CTU2: variants seen among roughly 807,000 people sequenced by gnomAD.
The protein encoded by CTU2 is cytosolic thiouridylase subunit 2, also known as cytoplasmic tRNA 2-thiolation protein 2.
Under a neutral mutation model 64.1 loss-of-function variants are expected in CTU2, and 80 were observed. The observed-to-expected ratio is 1.25, with a 90% CI of 1.04 to 1.50. The LOEUF (loss-of-function observed/expected upper bound fraction) is 1.50, where lower values mean the gene tolerates loss of function less well. Among genes scored for constraint, CTU2 ranks in the 40% most tolerant of loss-of-function variants. CTU2 has a pLI of 0.00. For synonymous variants in CTU2, 482 were observed against 285.3 expected, an observed-to-expected ratio of 1.69 and a Z score of -6.95; for missense variants, 1,110 against 690.2, an observed-to-expected ratio of 1.61 and a Z score of -6.81.
Position 88,706,535 on chromosome 16 carries a change from G to A in CTU2, c.5G>A (p.Cys2Tyr), listed in dbSNP as rs1283651579. Reference sequence around the variant, plus strand: ...GCGACGGGACCCGGCGTGCCCATGTGTCAGGTGGGCGAGGACTACGGGGAG... The same window carrying A: ...GCGACGGGACCCGGCGTGCCCATGTATCAGGTGGGCGAGGACTACGGGGAG... Reference protein sequence around the residue: MCQVGEDYGEPA... With the variant: MYQVGEDYGEPA... Residue 2 changes from cysteine to tyrosine, a missense_variant, in exon 1 of 15, where the codon TGT becomes TAT. Coordinates refer to ENST00000453996, the MANE Select transcript of CTU2 (RefSeq NM_001012759.3). 3 of 1,455,848 alleles carry A rather than the reference G, an allele frequency of 2.1e-6. No individual in the cohort carries two copies. Among genetic ancestry groups the A allele is most frequent in the East Asian group, 3.0e-5 (1 of 33,218 alleles). 90.2% of individuals were successfully genotyped at this position (1,455,848 alleles called of 1,614,324 possible). A position where few individuals can be genotyped will look rare whatever the true frequency, so the allele number is the denominator to read the frequency against.
At position 88,709,935 on chromosome 16, in the gene CTU2, C is replaced by T. The variant is rs971103602; in HGVS notation, c.144-3C>T. The T allele has an allele frequency of 1.2e-6, 2 of 1,613,588 alleles. No individual in the cohort carries two copies. The highest frequency in any genetic ancestry group is 2.7e-5 in the African/African-American group (2 of 74,936). On this transcript the variant is annotated splice_region_variant and splice_polypyrimidine_tract_variant and intron_variant, in intron 2 of 14. Coordinates refer to ENST00000453996, the MANE Select transcript of CTU2 (RefSeq NM_001012759.3). ...GTTCCCTCATCTCAGGTCTGTGTTG[C>T]AGGGACTGTTTCAAGGCCTTCTACG...
Position 88,714,931 on chromosome 16 carries a change from G to A in CTU2, c.1419+5G>A, listed in dbSNP as rs749361515. On this transcript the variant is annotated splice_donor_5th_base_variant and intron_variant, in intron 13 of 14. Coordinates refer to ENST00000453996, the MANE Select transcript of CTU2 (RefSeq NM_001012759.3). ...CGCGTGAACATGAAGGACTTGGTGA[G>A]TACGTGCCCACCTGTCCTGGGCCGG... 12 of 1,612,606 alleles carry A rather than the reference G, an allele frequency of 7.4e-6. No individual in the cohort carries two copies. The East Asian group carries it at 1.8e-4, about 24-fold the overall frequency.
intron 2 of CTU2, 55 bp from the exon 3 acceptor site, chr16:88,709,883 C>A: frequency 6.8e-7 from 1 of 1,478,556 alleles, no homozygotes; most frequent in Non-Finnish European, 9.4e-7. Flanking sequence ...CGCCTCAGGA[C>A]GCTGCTCACT....
At chr16:88,709,823 G>A in intron 2 of CTU2, 115 bp from the exon 3 acceptor site, 1 of 890,460 alleles carries the variant, frequency 1.1e-6, no homozygotes, top group Non-Finnish European at 1.8e-6. Flanking sequence ...TGGATGTGAA[G>A]ATGCTGCTTT....
intron 3 of CTU2, 24 bp downstream of exon 3, chr16:88,710,040 T>C (rs1413132738): frequency 3.1e-6 from 5 of 1,611,942 alleles, no homozygotes; most frequent in Non-Finnish European, 4.2e-6. Flanking sequence ...CCTGGGGGTC[T>C]GACTGAGCAG....
rs113700874 is a variant in CTU2, at chr16:88,715,376, T to TA, written c.*135dup. 8,154 of 1,051,386 alleles carry TA rather than the reference T, an allele frequency of 7.8e-3. No individual in the cohort carries two copies. The highest frequency in any genetic ancestry group is 8.8e-3 in the Non-Finnish European group (6,743 of 764,720). 65.1% of individuals were successfully genotyped at this position (1,051,386 alleles called of 1,614,324 possible). ...TTGTATAAATAAAACATTTTTTAATTAAAAAAAAAACTCTACAGTACACGT... is the reference window on the plus strand; with the variant it reads ...TTGTATAAATAAAACATTTTTTAATTAAAAAAAAAAACTCTACAGTACACGT... On this transcript the variant is annotated 3_prime_UTR_variant, in exon 15 of 15. Transcript: ENST00000453996.
intron 5 of CTU2, 96 bp from the exon 6 acceptor site, chr16:88,712,178 G>T (rs990548235): frequency 9.7e-7 from 1 of 1,035,736 alleles, no homozygotes; most frequent in Non-Finnish European, 1.5e-6. Flanking sequence ...CCTGCGGAGC[G>T]AGGCCTCGAA....
chr16:88,713,427 G>T lies in CTU2; in HGVS notation c.853G>T (p.Ala285Ser), dbSNP rs1010769738. ...LMTNLALGRG[A>S]FLAWDTGFSD... ...GACCAACCTGGCGCTGGGTCGAGGG[G>T]CCTTCCTGGCCTGGGATACGGTAGG... The change falls in exon 8 of 15, where the codon GCC (alanine) becomes TCC (serine). Residue 285 changes from alanine (A) to serine (S), a missense_variant. Ala to Ser is a moderately conservative substitution (Grantham distance 99, BLOSUM62 1). Coordinates refer to ENST00000453996, the MANE Select transcript of CTU2 (RefSeq NM_001012759.3). 1.3e-6 allele frequency: 2 copies of T among 1,585,758 alleles called. No individual in the cohort carries two copies. Among genetic ancestry groups the T allele is most frequent in the African/African-American group, 2.7e-5 (2 of 73,360 alleles).
chr16:88,710,020 G>T lies in CTU2; in HGVS notation c.222+4G>T, dbSNP rs377252732. 3.0e-4 allele frequency: 477 copies of T among 1,613,630 alleles called. 1 individual carries two copies. The highest frequency in any genetic ancestry group is 3.8e-4 in the Non-Finnish European group (445 of 1,179,906). ...GCTCATCTTTCCAGGCGAGAAGGTA[G>T]CGTCTGGGTCCTGGGGGTCTGACTG... On this transcript the variant is annotated splice_donor_region_variant and intron_variant, in intron 3 of 14. Coordinates refer to ENST00000453996, the MANE Select transcript of CTU2 (RefSeq NM_001012759.3).
intron 5 of CTU2, 29 bp downstream of exon 5, chr16:88,711,724 C>T: frequency 1.9e-6 from 3 of 1,594,642 alleles, no homozygotes; most frequent in Non-Finnish European, 2.6e-6. Flanking sequence ...CCTCCTAGTC[C>T]CTGGCCACTT....
chr16:88,707,041 C>A (rs1056374415), intron 1 of CTU2, 95 bp from the exon 2 acceptor site: 4 of 1,272,354 alleles, frequency 3.1e-6, no homozygotes, highest in Admixed American at 3.5e-5. Context: ...TGACCCAACT[C>A]AGGGTGAGAA....
chr16:88,713,815 G>T, intron 9 of CTU2, 37 bp downstream of exon 9: 1 of 1,610,814 alleles, frequency 6.2e-7, no homozygotes, highest in South Asian at 1.1e-5. Context: ...TCTCACCATT[G>T]ACACCGGGGT....
chr16:88,706,705 C>T (rs376022209), intron 1 of CTU2, 107 bp downstream of exon 1: 3 of 795,936 alleles, frequency 3.8e-6, no homozygotes, highest in South Asian at 2.6e-5. Context: ...GCGTGGAGAG[C>T]GGGACCTCGC....
At position 88,709,960 on chromosome 16, in the gene CTU2, G is replaced by A. The variant is rs1249435622; in HGVS notation, c.166G>A (p.Val56Ile). The A allele has an allele frequency of 7.4e-6, 12 of 1,613,966 alleles. No homozygotes were observed. Among genetic ancestry groups the A allele is most frequent in the South Asian group, 3.3e-5 (3 of 91,088 alleles). ...CAGGGACTGTTTCAAGGCCTTCTACGTCCACAAGTTCAGAGCCATGCTGGG... is the reference window on the plus strand; with the variant it reads ...CAGGGACTGTTTCAAGGCCTTCTACATCCACAAGTTCAGAGCCATGCTGGG... ...FCRDCFKAFY[V>I]HKFRAMLGKN... The change falls in exon 3 of 15, where the codon GTC becomes ATC. Residue 56 changes from valine to isoleucine, a missense_variant. Val to Ile is a conservative substitution (Grantham distance 29, BLOSUM62 3). Transcript: ENST00000453996.
chr16:88,714,013 G>A (rs992064852), intron 9 of CTU2, 123 bp from the exon 10 acceptor site: 9 of 1,108,302 alleles, frequency 8.1e-6, no homozygotes, highest in South Asian at 2.7e-5. Flanking sequence ...TTGAGCAGTC[G>A]CAGCAAAGCC....
chr16:88,713,635 T>C lies in CTU2; in HGVS notation c.874-12T>C, dbSNP rs779810691. ...GCCTTGACCTGGACCACACAGCCCC[T>C]GCCTCCCGCAGGGCTTCTCGGATGA... On this transcript the variant is annotated splice_polypyrimidine_tract_variant and intron_variant, in intron 8 of 14. Transcript: ENST00000453996. 7 of 1,610,354 alleles carry C rather than the reference T, an allele frequency of 4.3e-6. No homozygotes were observed. The highest frequency in any genetic ancestry group is 2.2e-5 in the South Asian group (2 of 90,928).
At chr16:88,706,641 C>T (rs1910860248) in intron 1 of CTU2, 43 bp downstream of exon 1, 1 of 1,325,886 alleles carries the variant, frequency 7.5e-7, no homozygotes. Context: ...CCCTCGCCTT[C>T]CCGCCGCACT....
intron 3 of CTU2, 48 bp from the exon 4 acceptor site, chr16:88,710,175 G>C (rs1911199326): frequency 1.9e-6 from 3 of 1,608,774 alleles, no homozygotes; most frequent in Non-Finnish European, 2.6e-6. Flanking sequence ...TGGGGTGTCT[G>C]CCTGTGTTGG....
At chr16:88,710,728 A>AGT in intron 4 of CTU2, 1 of 174,088 alleles carries the variant, frequency 5.7e-6, no homozygotes, top group South Asian at 1.2e-4. Context: ...AAACACAGTC[A>AGT]GTGGAAAGCT....
Sources: gnomAD v4.1 joint callset for allele counts on GRCh38, gnomAD v4.1.1 for gene constraint, MANE v1.5 for transcripts, NCBI Gene and HGNC (gene_info 2026-07-23, HGNC 2026-07-21) for gene names.